Variants in DCC observed in about 807,000 individuals in gnomAD.
The protein encoded by DCC is netrin receptor DCC.
A neutral mutation model predicts 172.5 loss-of-function variants in DCC; 58 were observed. That is an observed-to-expected ratio of 0.34 (90% CI 0.27 to 0.42). The LOEUF (loss-of-function observed/expected upper bound fraction) is 0.42. DCC is among the 10% of genes least tolerant of loss of function. DCC has a pLI of 1.00. For synonymous variants in DCC, 709 were observed against 644.5 expected, an observed-to-expected ratio of 1.10 and a Z score of -1.52; for missense variants, 1,740 against 1,791.0, an observed-to-expected ratio of 0.97 and a Z score of 0.51.
intron 2 of DCC, among the ~76,000 whole-genome samples, chr18:52,822,515 C>G (rs1290194609): frequency 6.6e-6 from 1 of 152,096 alleles, no homozygotes; most frequent in Non-Finnish European, 1.5e-5. Flanking sequence ...ACTAACATAC[C>G]AGAAACACAT....
At chr18:52,360,628 CAATT>C (rs1984577920) in intron 1 of DCC, among the ~76,000 whole-genome samples, 1 of 152,242 alleles carries the variant, frequency 6.6e-6, no homozygotes, top group South Asian at 2.1e-4. Context: ...AGCATATAAT[CAATT>C]AATCAATAAC....
At chr18:53,416,916 G>A (rs1166731480) in intron 21 of DCC, among the ~76,000 whole-genome samples, 2 of 152,172 alleles carry the variant, frequency 1.3e-5, no homozygotes, top group Non-Finnish European at 2.9e-5. Context: ...AGCTGAGGGA[G>A]ACAATGAATA....
chr18:53,301,146 A>G (rs1192067259), intron 12 of DCC, among the ~76,000 whole-genome samples: 3 of 145,196 alleles, frequency 2.1e-5, no homozygotes, highest in African/African-American at 7.7e-5. Flanking sequence ...CTGGAGTGCA[A>G]TGGTGTGATC....
In DCC at chr18:53,228,536, T is replaced by C. The variant is rs537043825; in HGVS notation, c.1911+12939T>C. Among the ~76,000 whole-genome samples, 160 of 152,148 alleles carry C rather than the reference T, an allele frequency of 1.1e-3. 1 individual carries two copies. The highest frequency in any genetic ancestry group is 2.0e-3 in the Non-Finnish European group (139 of 68,028). On this transcript the variant is annotated intron_variant, in intron 12 of 28. Transcript: ENST00000442544. ...CAGCAATCAGTGAGCAACTGGCATA[T>C]GATAACACCTGGGCTTGCGTAGAGT...
At chr18:52,969,854 T>C (rs1186529411) in intron 5 of DCC, among the ~76,000 whole-genome samples, 3 of 152,144 alleles carry the variant, frequency 2.0e-5, no homozygotes, top group Non-Finnish European at 4.4e-5. Context: ...TTTCATTGTT[T>C]CTTGCCTTGT....
intron 7 of DCC, among the ~76,000 whole-genome samples, chr18:53,119,664 G>C (rs186902748): frequency 6.6e-6 from 1 of 151,984 alleles, no homozygotes; most frequent in East Asian, 1.9e-4. Context: ...TAAACATGTG[G>C]CTCTGTGGAG....
At chr18:53,481,080 TAGAGA>T (rs1172927701) in intron 25 of DCC, 1 of 152,140 alleles carries the variant, frequency 6.6e-6, no homozygotes, top group Non-Finnish European at 1.5e-5. Flanking sequence ...TGATCTAAAA[TAGAGA>T]AGAGAGGAGA....
chr18:53,115,400 G>T (rs745473068), intron 7 of DCC, among the ~76,000 whole-genome samples: 5 of 150,858 alleles, frequency 3.3e-5, no homozygotes, highest in Non-Finnish European at 7.4e-5. Context: ...TTAAAGTTGG[G>T]GTGTGTGTGT....
At chr18:53,136,012 T>G (rs949751350) in intron 7 of DCC, among the ~76,000 whole-genome samples, 7 of 152,178 alleles carry the variant, frequency 4.6e-5, no homozygotes, top group Non-Finnish European at 7.3e-5. Context: ...AGCCATTCAC[T>G]GCATACATGT....
At chr18:53,503,587 T>C (rs755265260) in intron 27 of DCC, among the ~76,000 whole-genome samples, 1 of 152,214 alleles carries the variant, frequency 6.6e-6, no homozygotes, top group Admixed American at 6.5e-5. Flanking sequence ...GCATTATAGA[T>C]CTGACATAAA....
intron 5 of DCC, among the ~76,000 whole-genome samples, chr18:53,015,622 C>T (rs7240423): frequency 0.15 from 22,500 of 151,988 alleles, 1,921 homozygotes; most frequent in African/African-American, 0.25. Context: ...TATATCCTTA[C>T]GTACAAACAT....
intron 1 of DCC, among the ~76,000 whole-genome samples, chr18:52,349,010 G>A (rs1314897537): frequency 6.6e-6 from 1 of 152,150 alleles, no homozygotes; most frequent in African/African-American, 2.4e-5. Context: ...AAGGATAACA[G>A]AAACACAGAG....
chr18:53,050,045 A>G (rs1429221328), intron 5 of DCC, among the ~76,000 whole-genome samples: 1 of 150,734 alleles, frequency 6.6e-6, no homozygotes, highest in African/African-American at 2.5e-5. Context: ...TAAGTTCAAG[A>G]GTGAAAAAGC....
chr18:53,106,023 C>T (rs984571263), intron 7 of DCC, among the ~76,000 whole-genome samples: 1 of 151,426 alleles, frequency 6.6e-6, no homozygotes. Context: ...TGGCTTTACT[C>T]GATCTCTGTC....
intron 1 of DCC, among the ~76,000 whole-genome samples, chr18:52,362,896 C>T (rs1366556236): frequency 1.3e-5 from 2 of 152,104 alleles, no homozygotes; most frequent in African/African-American, 2.4e-5. Context: ...TTCCTTCCTT[C>T]CTTCTTTCCT....
At chr18:53,517,413 C>T (rs1005771559) in intron 27 of DCC, among the ~76,000 whole-genome samples, 2 of 150,312 alleles carry the variant, frequency 1.3e-5, no homozygotes, top group African/African-American at 4.9e-5. Flanking sequence ...CTAACCTGCA[C>T]AATGTGCACA....
intron 20 of DCC, 100 bp downstream of exon 20, chr18:53,410,746 C>T (rs1909931535): frequency 2.6e-6 from 2 of 779,534 alleles, no homozygotes; most frequent in East Asian, 2.5e-5. Context: ...TCTCTATTAG[C>T]AACATGGCTG....
chr18:52,376,340 A>G (rs1188578220), intron 1 of DCC, among the ~76,000 whole-genome samples: 1 of 152,240 alleles, frequency 6.6e-6, no homozygotes, highest in Non-Finnish European at 1.5e-5. Context: ...AGAATGTTCA[A>G]CTACCCAGTA....
intron 2 of DCC, among the ~76,000 whole-genome samples, chr18:52,826,147 A>G (rs916216286): frequency 1.3e-5 from 2 of 152,224 alleles, no homozygotes; most frequent in African/African-American, 2.4e-5. Context: ...CAAAATTTTT[A>G]CCACCAGTTT....
Sources: allele counts gnomAD v4.1 joint callset (sites outside exome capture counted in the v4.1 genomes callset), GRCh38; gene constraint gnomAD v4.1.1; transcripts MANE v1.5; gene names NCBI Gene and HGNC (gene_info 2026-07-23, HGNC 2026-07-21).